The following LRRC39 variants were observed in gnomAD, a reference collection of about 807,000 sequenced individuals.
LRRC39 encodes the protein leucine rich repeat containing 39, also known as leucine-rich repeat-containing protein 39.
A neutral mutation model predicts 39.7 loss-of-function variants in LRRC39; 35 were observed. The observed-to-expected ratio is 0.88, with a 90% CI of 0.67 to 1.17. The LOEUF is 1.17. Ranked by LOEUF, LRRC39 falls within the 50% of genes most tolerant of loss-of-function variation. The pLI, the probability that LRRC39 is intolerant of heterozygous loss-of-function variation, is 0.00. For synonymous variants in LRRC39, 113 were observed against 134.1 expected (o/e 0.84, Z 1.09); for missense variants, 357 against 385.8 (o/e 0.93, Z 0.62).
chr1:100,176,464 C>T (rs1190552424), intron 1 of LRRC39, among the ~76,000 whole-genome samples: 1 of 152,030 alleles, frequency 6.6e-6, no homozygotes, highest in Admixed American at 6.6e-5. Flanking sequence ...CAGTATTCAT[C>T]CATTGAATTA....
At chr1:100,151,967 A>C (rs664319) in intron 9 of LRRC39, among the ~76,000 whole-genome samples, 1,549 of 152,268 alleles carry the variant, frequency 0.01, 11 homozygotes, top group Middle Eastern at 0.017. Context: ...ACAAACAAAC[A>C]AACAAACAAA....
chr1:100,150,278 A>C (rs1320006459), intron 9 of LRRC39: 1 of 152,184 alleles, frequency 6.6e-6, no homozygotes, highest in Non-Finnish European at 1.5e-5. Context: ...TATCTCTTTA[A>C]GTTGTTAACT....
intron 2 of LRRC39, among the ~76,000 whole-genome samples, chr1:100,172,152 G>C (rs11166407): frequency 6.6e-6 from 1 of 152,110 alleles, no homozygotes; most frequent in East Asian, 1.9e-4. Flanking sequence ...GATGACTTCA[G>C]TGGAAAATTC....
chr1:100,148,983 A>G lies in LRRC39; in HGVS notation c.*59T>C, dbSNP rs1015275777. ...AATAGCTTTTCTTTTTACTTCAGAA[A>G]TCCAAACATTAGAGAATTCACCAAA... On this transcript the variant is annotated 3_prime_UTR_variant, in exon 10 of 10. Transcript: ENST00000370137. 4 of 1,416,580 alleles carry G rather than the reference A, an allele frequency of 2.8e-6. No homozygotes were observed. The African/African-American group carries it at 5.9e-5, about 21-fold the overall frequency. 87.8% of individuals were successfully genotyped at this position (1,416,580 alleles called of 1,614,324 possible). A position where few individuals can be genotyped will look rare whatever the true frequency, so the allele number is the denominator to read the frequency against.
chr1:100,153,667 A>G (rs1658229557), intron 8 of LRRC39, among the ~76,000 whole-genome samples: 1 of 152,226 alleles, frequency 6.6e-6, no homozygotes, highest in Non-Finnish European at 1.5e-5. Flanking sequence ...AGCAACCTAA[A>G]ATAATCTAAA....
At chr1:100,154,587 A>G (rs545175669) in intron 8 of LRRC39, among the ~76,000 whole-genome samples, 3 of 152,346 alleles carry the variant, frequency 2.0e-5, no homozygotes, top group Admixed American at 1.3e-4. Flanking sequence ...TAAAAACTAC[A>G]TATTTTAATA....
Position 100,149,000 on chromosome 1 carries a change from T to C in LRRC39, c.*42A>G. On this transcript the variant is annotated 3_prime_UTR_variant, in exon 10 of 10. Coordinates refer to ENST00000370137, the MANE Select transcript of LRRC39 (RefSeq NM_144620.4). Reference sequence around the variant, plus strand: ...CTTCAGAAATCCAAACATTAGAGAATTCACCAAAGTAATCCTCTTTAGAAG... The same window carrying C: ...CTTCAGAAATCCAAACATTAGAGAACTCACCAAAGTAATCCTCTTTAGAAG... The C allele has an allele frequency of 6.8e-7, 1 of 1,475,994 alleles. No individual in the cohort carries two copies. The highest frequency in any genetic ancestry group is 1.5e-5 in the South Asian group (1 of 68,744). The allele number at this position is 1,475,994 out of a possible 1,614,324, so 91.4% of individuals were successfully genotyped here. A position where few individuals can be genotyped will look rare whatever the true frequency, so the allele number is the denominator to read the frequency against.
At chr1:100,160,640 TGAGA>T (rs1203580325) in intron 3 of LRRC39, 69 bp from the exon 4 acceptor site, 5 of 1,194,770 alleles carry the variant, frequency 4.2e-6, no homozygotes, top group African/African-American at 1.5e-5. Flanking sequence ...TTTTTTTTTT[TGAGA>T]GAGAGAGTTT....
intron 3 of LRRC39, among the ~76,000 whole-genome samples, chr1:100,162,428 G>T (rs956571453): frequency 6.6e-6 from 1 of 151,752 alleles, no homozygotes; most frequent in African/African-American, 2.4e-5. Context: ...GCTGAGGCAG[G>T]TGGAGTTCGA....
At chr1:100,154,958 C>T (rs1281837181) in intron 8 of LRRC39, 93 bp downstream of exon 8, 1 of 1,201,740 alleles carries the variant, frequency 8.3e-7, no homozygotes, top group African/African-American at 1.6e-5. Context: ...TAAATAACAA[C>T]TGAAATTTAT....
In LRRC39 at chr1:100,156,451, C is replaced by T. The variant is rs927484283; in HGVS notation, c.514-134G>A. 5.3e-6 allele frequency: 4 copies of T among 751,646 alleles called. No individual in the cohort carries two copies. The Admixed American group carries it at 1.1e-4, about 20-fold the overall frequency. 46.6% of individuals were successfully genotyped at this position (751,646 alleles called of 1,614,324 possible). A position where few individuals can be genotyped will look rare whatever the true frequency, so the allele number is the denominator to read the frequency against. ...TTGGGCTTTATTTAGTCATATTAGTCCGCAACAAATTAAAAATAAATATAA... is the reference window on the plus strand; with the variant it reads ...TTGGGCTTTATTTAGTCATATTAGTTCGCAACAAATTAAAAATAAATATAA... On this transcript the variant is annotated intron_variant, in intron 6 of 9. Transcript: ENST00000370137.
At chr1:100,172,026 C>T (rs940122189) in intron 2 of LRRC39, among the ~76,000 whole-genome samples, 1 of 151,826 alleles carries the variant, frequency 6.6e-6, no homozygotes, top group African/African-American at 2.4e-5. Context: ...ACAAAGAAAA[C>T]AGAAGAAAGG....
chr1:100,175,118 A>G (rs1659867519), intron 1 of LRRC39, among the ~76,000 whole-genome samples: 1 of 150,968 alleles, frequency 6.6e-6, no homozygotes, highest in Admixed American at 6.6e-5. Context: ...TAAAGCCTGC[A>G]GAACCGTGAG....
chr1:100,154,304 T>C lies in LRRC39; in HGVS notation c.812+747A>G, dbSNP rs542679632. Among the ~76,000 whole-genome samples, 34 of 152,332 alleles carry C rather than the reference T, an allele frequency of 2.2e-4. 1 individual carries two copies. In the South Asian group the frequency reaches 4.6e-3, roughly 20 times the overall value. Reference sequence around the variant, plus strand: ...TATCAAAATTGTGGATTTTGCAATTTGTATCCTTTTCTCAAGAAAAAAAAT... The same window carrying C: ...TATCAAAATTGTGGATTTTGCAATTCGTATCCTTTTCTCAAGAAAAAAAAT... On this transcript the variant is annotated intron_variant, in intron 8 of 9. Transcript: ENST00000370137.
chr1:100,170,073 G>A (rs1659491350), intron 2 of LRRC39, among the ~76,000 whole-genome samples: 1 of 152,096 alleles, frequency 6.6e-6, no homozygotes. Context: ...TTTATGAGAG[G>A]CACACCTAAA....
At chr1:100,156,979 G>T (rs1253370724) in intron 6 of LRRC39, among the ~76,000 whole-genome samples, 1 of 151,690 alleles carries the variant, frequency 6.6e-6, no homozygotes, top group Non-Finnish European at 1.5e-5. Flanking sequence ...GTGAGACTCT[G>T]TCTCAAAAAA....
At chr1:100,160,176 G>A (rs1246615239) in intron 4 of LRRC39, among the ~76,000 whole-genome samples, 2 of 152,122 alleles carry the variant, frequency 1.3e-5, no homozygotes, top group Non-Finnish European at 2.9e-5. Context: ...TTTTTATTAG[G>A]CAGATGGTTA....
chr1:100,157,352 T>A (rs1658538123), intron 6 of LRRC39, among the ~76,000 whole-genome samples: 1 of 152,140 alleles, frequency 6.6e-6, no homozygotes, highest in African/African-American at 2.4e-5. Flanking sequence ...TCATTCTCTC[T>A]TCCCACCATG....
At chr1:100,149,291 C>T in intron 9 of LRRC39, 194 bp from the exon 10 acceptor site, 4 of 1,531,554 alleles carry the variant, frequency 2.6e-6, no homozygotes, top group Non-Finnish European at 2.6e-6. Context: ...CTGGAAAGCA[C>T]AATTGTGATT....
Sources: allele counts gnomAD v4.1 joint callset (sites outside exome capture counted in the v4.1 genomes callset), GRCh38; gene constraint gnomAD v4.1.1; transcripts MANE v1.5; gene names NCBI Gene and HGNC (gene_info 2026-07-23, HGNC 2026-07-21).